RPN2: variants seen among roughly 807,000 people sequenced by gnomAD.
RPN2 encodes dolichyl-diphosphooligosaccharide--protein glycosyltransferase subunit 2.
A neutral mutation model predicts 71.4 loss-of-function variants in RPN2; 29 were observed. That is an observed-to-expected ratio of 0.41 (90% CI 0.30 to 0.55). RPN2 has a LOEUF of 0.55. Ranked by LOEUF, RPN2 falls within the 20% of genes least tolerant of loss-of-function variation. RPN2 has a pLI of 0.35. For missense variants in RPN2, 726 were observed against 774.1 expected (o/e 0.94, Z 0.74); for synonymous variants, 308 against 305.0 (o/e 1.01, Z -0.10).
intron 1 of RPN2, 99 bp downstream of exon 1, chr20:37,179,468 G>A: frequency 7.0e-7 from 1 of 1,432,096 alleles, no homozygotes; most frequent in Non-Finnish European, 9.2e-7. Context: ...CTTCCCCTGC[G>A]GGACAGGGGC....
intron 2 of RPN2, among the ~76,000 whole-genome samples, chr20:37,193,840 G>A (rs1434161026): frequency 1.3e-5 from 2 of 152,166 alleles, no homozygotes; most frequent in South Asian, 2.1e-4. Flanking sequence ...CTGGAGGTAC[G>A]GGTCTGAGAA....
intron 11 of RPN2, 135 bp from the exon 12 acceptor site, chr20:37,228,415 G>A: frequency 1.2e-6 from 1 of 818,380 alleles, no homozygotes; most frequent in Non-Finnish European, 2.0e-6. Context: ...TACTCTCTGG[G>A]GCAGGTCTGG....
intron 15 of RPN2, among the ~76,000 whole-genome samples, chr20:37,235,737 G>T (rs2068368389): frequency 6.6e-6 from 1 of 152,080 alleles, no homozygotes; most frequent in Admixed American, 6.5e-5. Context: ...TGCAGCCTCT[G>T]CCTCCCAGGT....
At chr20:37,180,166 A>T (rs910833785) in intron 1 of RPN2, among the ~76,000 whole-genome samples, 1 of 152,238 alleles carries the variant, frequency 6.6e-6, no homozygotes, top group Non-Finnish European at 1.5e-5. Context: ...GAGAAGTTGG[A>T]ATCCCACGGA....
At chr20:37,192,511 C>T (rs998288618) in intron 2 of RPN2, among the ~76,000 whole-genome samples, 1 of 152,216 alleles carries the variant, frequency 6.6e-6, no homozygotes, top group Non-Finnish European at 1.5e-5. Context: ...GTGCTGCCAT[C>T]TGTGCTGGCT....
At chr20:37,213,720 C>T in intron 8 of RPN2, 40 bp from the exon 9 acceptor site, 1 of 1,465,364 alleles carries the variant, frequency 6.8e-7, no homozygotes, top group Non-Finnish European at 9.6e-7. Context: ...CATGACTTTC[C>T]TACCTGAGTT....
In RPN2 at chr20:37,223,874, C is replaced by G. The variant is rs780728799; in HGVS notation, c.1093-4C>G. On this transcript the variant is annotated splice_region_variant and splice_polypyrimidine_tract_variant and intron_variant, in intron 9 of 16. Transcript: ENST00000237530. ...TGGCAACTGTCTTCTCTATTTTCCT[C>G]TAGCTCAGAGTCAAGATCTCCACTG... The G allele has an allele frequency of 1.9e-5, 30 of 1,613,512 alleles. No homozygotes were observed. In the South Asian group the frequency reaches 3.2e-4, roughly 17 times the overall value.
Position 37,228,584 on chromosome 20 carries a change from A to G in RPN2, c.1334A>G (p.Gln445Arg). 6.2e-7 allele frequency: 1 copy of G among 1,614,238 alleles called. No individual in the cohort carries two copies. The highest frequency in any genetic ancestry group is 8.5e-7 in the Non-Finnish European group (1 of 1,180,026). Residue 445 changes from glutamine to arginine, a missense_variant, in exon 12 of 17, where the codon CAG (glutamine) becomes CGG (arginine). By Grantham distance (43) the Gln-to-Arg change is conservative. Coordinates refer to ENST00000237530, the MANE Select transcript of RPN2 (RefSeq NM_002951.5). ...FVRLHNQKTGQEVVFVAEPDN... is the reference protein window; with the variant it reads ...FVRLHNQKTGREVVFVAEPDN... ...CGACTCCATAACCAGAAGACTGGCC[A>G]GGAAGTGGTGTTTGTTGCCGAGCCA...
chr20:37,210,194 G>A (rs760265605), intron 8 of RPN2, 29 bp downstream of exon 8: 86 of 1,611,236 alleles, frequency 5.3e-5, no homozygotes, highest in Non-Finnish European at 5.9e-5. Context: ...TTGGTGGGGC[G>A]CTGACCTCTT....
chr20:37,199,278 C>T (rs1454258674), intron 4 of RPN2, 53 bp downstream of exon 4: 1 of 1,601,528 alleles, frequency 6.2e-7, no homozygotes, highest in East Asian at 2.2e-5. Flanking sequence ...GGGTCCTATC[C>T]GAAGAGGGCT....
intron 16 of RPN2, among the ~76,000 whole-genome samples, chr20:37,239,719 G>T (rs745860484): frequency 4.6e-5 from 7 of 152,106 alleles, no homozygotes; most frequent in Non-Finnish European, 8.8e-5. Context: ...CCTCAGTCAA[G>T]ATATAGGTAT....
At chr20:37,218,969 A>G (rs192941193) in intron 9 of RPN2, among the ~76,000 whole-genome samples, 1 of 152,264 alleles carries the variant, frequency 6.6e-6, no homozygotes, top group Non-Finnish European at 1.5e-5. Context: ...CTTATGAGTA[A>G]TGCTGCTGTG....
At chr20:37,210,848 A>AT (rs970315183) in intron 8 of RPN2, among the ~76,000 whole-genome samples, 24 of 150,728 alleles carry the variant, frequency 1.6e-4, no homozygotes, top group African/African-American at 4.9e-4. Context: ...ACATTTTATA[A>AT]TTTTTTTTTG....
intron 16 of RPN2, chr20:37,238,546 T>A: frequency 1.2e-6 from 1 of 867,072 alleles, no homozygotes; most frequent in African/African-American, 1.7e-5. Flanking sequence ...TCAGCCCACT[T>A]GCTCCTCCCA....
chr20:37,219,741 G>T (rs1042983481), intron 9 of RPN2, among the ~76,000 whole-genome samples: 1 of 152,200 alleles, frequency 6.6e-6, no homozygotes, highest in East Asian at 1.9e-4. Context: ...GTTAATTTTT[G>T]TGTATGGTGT....
intron 11 of RPN2, among the ~76,000 whole-genome samples, chr20:37,226,310 G>T (rs1306207739): frequency 6.6e-6 from 1 of 152,164 alleles, no homozygotes; most frequent in Non-Finnish European, 1.5e-5. Context: ...GACCTCAGGT[G>T]ATCCGCCTGC....
chr20:37,219,983 T>C (rs1177069904), intron 9 of RPN2, among the ~76,000 whole-genome samples: 8 of 152,234 alleles, frequency 5.3e-5, no homozygotes, highest in African/African-American at 1.9e-4. Flanking sequence ...TAACATCAAA[T>C]CTGGTGTTTG....
At chr20:37,181,703 G>A (rs1365021705) in intron 1 of RPN2, among the ~76,000 whole-genome samples, 1 of 152,150 alleles carries the variant, frequency 6.6e-6, no homozygotes, top group Admixed American at 6.5e-5. Flanking sequence ...AGAGGTGTGA[G>A]CCACTGCGCC....
rs548293013 is a variant in RPN2 at position 37,184,508 on chromosome 20, T to A, written c.207+135T>A. On this transcript the variant is annotated intron_variant, in intron 2 of 16. Transcript: ENST00000237530. Reference sequence around the variant, plus strand: ...CAAGGTTAATCCAATATAAGAAATATTTGGCCAGGCGTGGTGACTCACGCC... The same window carrying A: ...CAAGGTTAATCCAATATAAGAAATAATTGGCCAGGCGTGGTGACTCACGCC... 9 of 879,338 alleles carry A rather than the reference T, an allele frequency of 1.0e-5. No individual in the cohort carries two copies. In the African/African-American group the frequency reaches 1.2e-4, roughly 11 times the overall value. The allele number at this position is 879,338 out of a possible 1,614,324, so 54.5% of individuals were successfully genotyped here.
Sources: allele counts gnomAD v4.1 joint callset (sites outside exome capture counted in the v4.1 genomes callset), GRCh38; gene constraint gnomAD v4.1.1; transcripts MANE v1.5; gene names NCBI Gene and HGNC (gene_info 2026-07-23, HGNC 2026-07-21).